The following DTD1 variants were observed in gnomAD, a reference collection of about 807,000 sequenced individuals.
The protein encoded by DTD1 is D-tyrosyl-tRNA deacylase 1 homolog.
DTD1 carries 13 observed loss-of-function variants against 25.6 expected under a neutral mutation model. The observed-to-expected ratio is 0.51, with a 90% CI of 0.33 to 0.81. DTD1 has a LOEUF of 0.81. DTD1 is among the 30% of genes least tolerant of loss of function. The pLI is 0.02. For missense variants in DTD1, 193 were observed against 266.4 expected (o/e 0.72, Z 1.92); for synonymous variants, 110 against 103.6 (o/e 1.06, Z -0.37).
At chr20:18,686,434 T>C (rs924750673) in intron 4 of DTD1, among the ~76,000 whole-genome samples, 5 of 152,244 alleles carry the variant, frequency 3.3e-5, no homozygotes, top group African/African-American at 9.6e-5. Context: ...TTGTTTTATA[T>C]ATAGTTATAT....
intron 3 of DTD1, among the ~76,000 whole-genome samples, chr20:18,614,855 C>A (rs1261100066): frequency 6.6e-6 from 1 of 151,976 alleles, no homozygotes; most frequent in African/African-American, 2.4e-5. Context: ...TTCTTCCACT[C>A]TCCTTCAATC....
intron 1 of DTD1, among the ~76,000 whole-genome samples, chr20:18,590,565 G>A (rs896732059): frequency 4.6e-5 from 7 of 152,224 alleles, no homozygotes; most frequent in Middle Eastern, 3.4e-3. Flanking sequence ...CTGCCTCCTG[G>A]GTTCAAGCGA....
intron 4 of DTD1, among the ~76,000 whole-genome samples, chr20:18,694,791 CAA>C (rs2061063823): frequency 1.3e-5 from 2 of 152,114 alleles, no homozygotes; most frequent in Non-Finnish European, 2.9e-5. Context: ...AGAAAACAAT[CAA>C]AAGTGTGTAT....
rs145628258 is a variant in DTD1, at chr20:18,640,674, A to G, written c.477+12441A>G. On this transcript the variant is annotated intron_variant, in intron 4 of 5. Coordinates refer to ENST00000377452, the MANE Select transcript of DTD1 (RefSeq NM_080820.6). Reference sequence around the variant, plus strand: ...AAGACGGAGTCTCGCTCTGTCACCCAGGCTGGAGTACAGTGGAGTGATCTC... The same window carrying G: ...AAGACGGAGTCTCGCTCTGTCACCCGGGCTGGAGTACAGTGGAGTGATCTC... Among the ~76,000 whole-genome samples, 1,279 of 148,406 alleles carry G rather than the reference A, an allele frequency of 8.6e-3. 17 individuals are homozygous for G. Among genetic ancestry groups the G allele is most frequent in the African/African-American group, 0.03 (1,215 of 40,034 alleles).
chr20:18,762,997 G>A (rs557898823), intron 5 of DTD1, among the ~76,000 whole-genome samples: 1 of 152,180 alleles, frequency 6.6e-6, no homozygotes, highest in South Asian at 2.1e-4. Context: ...CCTGCCTTAG[G>A]TGAATATAAC....
chr20:18,597,145 A>G (rs1349226640), intron 3 of DTD1, among the ~76,000 whole-genome samples: 1 of 138,810 alleles, frequency 7.2e-6, no homozygotes, highest in Non-Finnish European at 1.5e-5. Context: ...CTTTTAGTAG[A>G]TGAGAGAAAG....
At chr20:18,632,396 C>T (rs957063088) in intron 4 of DTD1, 29 of 985,324 alleles carry the variant, frequency 2.9e-5, no homozygotes, top group African/African-American at 1.9e-4. Context: ...CAGTAGGTGG[C>T]GGTGGGTAGG....
chr20:18,595,795 G>A (rs116059511), intron 2 of DTD1, among the ~76,000 whole-genome samples: 159 of 152,322 alleles, frequency 1.0e-3, no homozygotes, highest in African/African-American at 3.4e-3. Context: ...AAACAACCGT[G>A]TGAGGTAGAA....
At chr20:18,714,589 G>C (rs1005894348) in intron 4 of DTD1, among the ~76,000 whole-genome samples, 1 of 152,198 alleles carries the variant, frequency 6.6e-6, no homozygotes, top group Non-Finnish European at 1.5e-5. Context: ...CAGATCCGGG[G>C]TGGTGGAATT....
chr20:18,654,888 A>T (rs1196606182), intron 4 of DTD1, among the ~76,000 whole-genome samples: 1 of 152,188 alleles, frequency 6.6e-6, no homozygotes, highest in Admixed American at 6.6e-5. Context: ...TTACATTGCT[A>T]AAAAACCCTT....
In DTD1 at chr20:18,765,055, A is replaced by G. The variant is rs1233061278; in HGVS notation, c.*1715A>G. The G allele has an allele frequency of 1.3e-5, 2 of 152,236 alleles. No homozygotes were observed. The highest frequency in any genetic ancestry group is 2.9e-5 in the Non-Finnish European group (2 of 68,064). The allele number at this position is 152,236 out of a possible 1,614,324, so 9.4% of individuals were successfully genotyped here. A position where few individuals can be genotyped will look rare whatever the true frequency, so the allele number is the denominator to read the frequency against. ...AGGATCATGACATTTGGATGGTGGT[A>G]AAATGCTAAAGGCCTTTGTTGGTCA... On this transcript the variant is annotated 3_prime_UTR_variant, in exon 6 of 6. Coordinates refer to ENST00000377452, the MANE Select transcript of DTD1 (RefSeq NM_080820.6).
chr20:18,610,587 G>A (rs2060682749), intron 3 of DTD1, among the ~76,000 whole-genome samples: 1 of 152,160 alleles, frequency 6.6e-6, no homozygotes, highest in Non-Finnish European at 1.5e-5. Flanking sequence ...TTTTGGAAAA[G>A]CAAATGTAAA....
chr20:18,656,076 T>TG (rs1170293509), intron 4 of DTD1, among the ~76,000 whole-genome samples: 1 of 152,242 alleles, frequency 6.6e-6, no homozygotes, highest in Non-Finnish European at 1.5e-5. Flanking sequence ...TGGCCTCATT[T>TG]GTTTTCTTTT....
At chr20:18,646,695 A>T (rs536240413) in intron 4 of DTD1, among the ~76,000 whole-genome samples, 1 of 152,260 alleles carries the variant, frequency 6.6e-6, no homozygotes, top group East Asian at 1.9e-4. Context: ...TGTGGTGTTG[A>T]CAGTTGGCCA....
At chr20:18,732,028 G>C (rs1032542630) in intron 4 of DTD1, among the ~76,000 whole-genome samples, 1 of 152,114 alleles carries the variant, frequency 6.6e-6, no homozygotes, top group Admixed American at 6.5e-5. Context: ...CCCAAATTTG[G>C]TCTCCACCTT....
At chr20:18,596,297 GAA>G in intron 3 of DTD1, 56 bp downstream of exon 3, 1 of 1,445,406 alleles carries the variant, frequency 6.9e-7, no homozygotes, top group Non-Finnish European at 9.5e-7. Flanking sequence ...TGGATGGAGA[GAA>G]AAAAGAAGCT....
At chr20:18,590,434 T>C (rs2060584873) in intron 1 of DTD1, among the ~76,000 whole-genome samples, 1 of 152,172 alleles carries the variant, frequency 6.6e-6, no homozygotes, top group Admixed American at 6.6e-5. Flanking sequence ...TGTAATATCA[T>C]TTGATGCCCA....
At chr20:18,700,125 T>C (rs918219463) in intron 4 of DTD1, among the ~76,000 whole-genome samples, 8 of 152,226 alleles carry the variant, frequency 5.3e-5, no homozygotes, top group Non-Finnish European at 1.0e-4. Flanking sequence ...TTTTTTAGAA[T>C]GTCCCTTAGT....
intron 4 of DTD1, among the ~76,000 whole-genome samples, chr20:18,638,240 A>G (rs967608214): frequency 6.6e-6 from 1 of 151,378 alleles, no homozygotes; most frequent in African/African-American, 2.4e-5. Context: ...CCTGTCCACT[A>G]CCTACTCATC....
Sources: allele counts gnomAD v4.1 joint callset (sites outside exome capture counted in the v4.1 genomes callset), GRCh38; gene constraint gnomAD v4.1.1; transcripts MANE v1.5; gene names NCBI Gene and HGNC (gene_info 2026-07-23, HGNC 2026-07-21).